CD81: variants seen among roughly 807,000 people sequenced by gnomAD.
CD81 encodes CD81 molecule, also known as CD81 antigen.
A neutral mutation model predicts 30.1 loss-of-function variants in CD81; 10 were observed. The ratio of observed to expected loss-of-function variants is 0.33; its 90% CI spans 0.21 to 0.56. CD81 has a LOEUF of 0.56. Among genes scored for constraint, CD81 ranks in the 20% least tolerant of loss-of-function variants. The pLI, the probability that CD81 is intolerant of heterozygous loss-of-function variation, is 0.89. For missense variants in CD81, 263 were observed against 308.7 expected, an observed-to-expected ratio of 0.85 and a Z score of 1.11; for synonymous variants, 147 against 126.4, an observed-to-expected ratio of 1.16 and a Z score of -1.10.
chr11:2,385,554 C>CCG, intron 1 of CD81: 1 of 255,542 alleles, frequency 3.9e-6, no homozygotes, highest in South Asian at 3.8e-5. Flanking sequence ...TGTGGCATGC[C>CCG]TGTCTGTGCA....
chr11:2,386,013 C>T (rs376292534), intron 1 of CD81: 2 of 714,146 alleles, frequency 2.8e-6, no homozygotes, highest in Non-Finnish European at 2.6e-6. Context: ...GGTGGCTGGA[C>T]CGTTTTACAG....
chr11:2,390,350 G>A, intron 1 of CD81, 62 bp from the exon 2 acceptor site: 2 of 1,297,178 alleles, frequency 1.5e-6, no homozygotes, highest in East Asian at 4.6e-5. Flanking sequence ...TGCGTGTGGG[G>A]TGGGCGCACT....
chr11:2,387,788 G>A (rs950721992), intron 1 of CD81, among the ~76,000 whole-genome samples: 8 of 152,192 alleles, frequency 5.3e-5, no homozygotes, highest in Admixed American at 2.6e-4. Flanking sequence ...CCTTCCACTC[G>A]GCACAGAAGA....
At chr11:2,396,415 G>A in intron 6 of CD81, 1 of 621,598 alleles carries the variant, frequency 1.6e-6, no homozygotes, top group South Asian at 1.8e-5. Flanking sequence ...TGTGTCCCAG[G>A]CATTTCGCGT....
rs778262013 is a variant in CD81, at chr11:2,395,404, C to A, written c.355-12C>A. The A allele has an allele frequency of 8.7e-6, 14 of 1,604,016 alleles. No homozygotes were observed. In the South Asian group the frequency reaches 1.5e-4, roughly 18 times the overall value. On this transcript the variant is annotated splice_polypyrimidine_tract_variant and intron_variant, in intron 4 of 7. Coordinates refer to ENST00000263645, the MANE Select transcript of CD81 (RefSeq NM_004356.4). ...GGTTCCCCCTGTGCATGTGACCGCA[C>A]CCCTCCCCCAGATCGCCAAGGATGT...
At position 2,395,461 on chromosome 11, in the gene CD81, G is replaced by T; in HGVS notation, c.400G>T (p.Ala134Ser). The T allele has an allele frequency of 6.2e-7, 1 of 1,612,826 alleles. No homozygotes were observed. Among genetic ancestry groups the T allele is most frequent in the Non-Finnish European group, 8.5e-7 (1 of 1,179,928 alleles). Residue 134 changes from alanine to serine, a missense_variant, in exon 5 of 8, where the codon GCC (alanine) becomes TCC (serine). Coordinates refer to ENST00000263645, the MANE Select transcript of CD81 (RefSeq NM_004356.4). ...GTTCTATGACCAGGCCCTACAGCAG[G>T]CCGTGGTGGATGATGACGCCAACAA... Reference protein sequence around the residue: ...KQFYDQALQQAVVDDDANNAK... With the variant: ...KQFYDQALQQSVVDDDANNAK...
At chr11:2,380,072 T>C (rs1277862677) in intron 1 of CD81, among the ~76,000 whole-genome samples, 2 of 152,166 alleles carry the variant, frequency 1.3e-5, no homozygotes, top group Non-Finnish European at 2.9e-5. Flanking sequence ...TTTGCTGACA[T>C]GCCTGAGTGT....
At chr11:2,391,308 C>T (rs115874437) in intron 2 of CD81, 1,931 of 153,684 alleles carry the variant, frequency 0.013, 47 homozygotes, top group African/African-American at 0.044. Context: ...TGTGTGTCCC[C>T]AGTCCTCAGG....
intron 2 of CD81, chr11:2,392,506 T>C (rs899165787): frequency 2.0e-5 from 3 of 152,232 alleles, no homozygotes; most frequent in African/African-American, 7.2e-5. Context: ...TCCTTGGCTG[T>C]GGTTTCCCTG....
intron 1 of CD81, chr11:2,386,694 G>C: frequency 1.4e-6 from 1 of 703,356 alleles, no homozygotes. Context: ...TTCCACCCAG[G>C]GTGGCTCCCG....
Position 2,396,973 on chromosome 11 carries a change from C to G in CD81, c.*107C>G. The G allele has an allele frequency of 1.9e-6, 2 of 1,044,304 alleles. No individual in the cohort carries two copies. The highest frequency in any genetic ancestry group is 2.0e-4 in the Middle Eastern group (1 of 4,912). The allele number at this position is 1,044,304 out of a possible 1,614,324, so 64.7% of individuals were successfully genotyped here. The stretch of plus-strand genomic sequence containing the variant: ...TGTATATAACGTTTCCGGTATTACT[C>G]TGCTACACGTAGCCTTTTTACTTTT... On this transcript the variant is annotated 3_prime_UTR_variant, in exon 8 of 8. Transcript: ENST00000263645.
Position 2,377,557 on chromosome 11 carries a change from T to A in CD81, c.8T>A (p.Val3Glu), listed in dbSNP as rs1233137135. Residue 3 changes from valine to glutamate, a missense_variant, in exon 1 of 8, where the codon GTG (valine) becomes GAG (glutamate). This residue lies in a region of CD81 where 84 missense variants were observed against 98.2 expected (regional missense o/e 0.86). Transcript: ENST00000263645. The surrounding 1 kb of genome is among the most constrained non-coding windows in gnomAD (Gnocchi z 7.7). ...CCCGCCGCCCGCGCCGCCATGGGAG[T>A]GGAGGGCTGCACCAAGTGCATCAAG... is the stretch of plus-strand genomic sequence containing the variant. MGVEGCTKCIKYL... is the reference protein window; with the variant it reads MGEEGCTKCIKYL... 1 of 1,472,422 alleles carries A rather than the reference T, an allele frequency of 6.8e-7. No individual in the cohort carries two copies. The highest frequency in any genetic ancestry group is 2.1e-5 in the Admixed American group (1 of 47,730). 91.2% of individuals were successfully genotyped at this position (1,472,422 alleles called of 1,614,324 possible).
intron 1 of CD81, among the ~76,000 whole-genome samples, chr11:2,381,823 C>T (rs192804964): frequency 6.6e-6 from 1 of 152,354 alleles, no homozygotes; most frequent in Non-Finnish European, 1.5e-5. Flanking sequence ...GCAAGAAGAA[C>T]CAGGCTCTCC....
chr11:2,394,833 G>C, intron 3 of CD81, 139 bp from the exon 4 acceptor site: 1 of 790,246 alleles, frequency 1.3e-6, no homozygotes, highest in Non-Finnish European at 2.2e-6. Flanking sequence ...CACACAAGCC[G>C]CTCACTCCTG....
chr11:2,390,931 G>C (rs1849887223), intron 2 of CD81: 2 of 321,178 alleles, frequency 6.2e-6, no homozygotes, highest in Admixed American at 4.2e-5. Flanking sequence ...AGTGAGGGGT[G>C]GAGACGGGGC....
upstream of CD81, among the ~76,000 whole-genome samples, chr11:2,377,128 C>T (rs573502705): frequency 3.3e-5 from 5 of 152,294 alleles, no homozygotes; most frequent in South Asian, 8.3e-4. The surrounding 1 kb of genome is among the most constrained non-coding windows in gnomAD (Gnocchi z 7.7). Context: ...TGCACCTGGG[C>T]CCTGAGGTCC....
In CD81 at chr11:2,397,033, C is replaced by T. The variant is rs1268288819; in HGVS notation, c.*167C>T. 2.9e-6 allele frequency: 2 copies of T among 695,386 alleles called. No homozygotes were observed. Among genetic ancestry groups the T allele is most frequent in the Non-Finnish European group, 5.0e-6 (2 of 397,232 alleles). The allele number at this position is 695,386 out of a possible 1,614,324, so 43.1% of individuals were successfully genotyped here. On this transcript the variant is annotated 3_prime_UTR_variant, in exon 8 of 8. Coordinates refer to ENST00000263645, the MANE Select transcript of CD81 (RefSeq NM_004356.4). ...TTTTTGTTCTGAACTTTCCTGTTAC[C>T]TTTTCAGGGCTGACGTCACATGTAG... is the stretch of plus-strand genomic sequence containing the variant.
At position 2,377,901 on chromosome 11, in the gene CD81, G is replaced by C. The variant is rs1849626729; in HGVS notation, c.66+286G>C. ...CCGCCGGGCAGTTCCCGCTGTGGTG[G>C]TGATGGGTGCGGTGGTCGCGGGTCG... is the stretch of plus-strand genomic sequence containing the variant. On this transcript the variant is annotated intron_variant, in intron 1 of 7. Transcript: ENST00000263645. The surrounding 1 kb of genome is among the most constrained non-coding windows in gnomAD (Gnocchi z 7.7). 2 of 199,304 alleles carry C rather than the reference G, an allele frequency of 1.0e-5. No individual in the cohort carries two copies. Among genetic ancestry groups the C allele is most frequent in the Non-Finnish European group, 2.0e-5 (2 of 97,958 alleles). 12.3% of individuals were successfully genotyped at this position (199,304 alleles called of 1,614,324 possible). A position where few individuals can be genotyped will look rare whatever the true frequency, so the allele number is the denominator to read the frequency against.
upstream of CD81, chr11:2,377,254 T>A (rs890040531): frequency 6.6e-6 from 1 of 150,778 alleles, no homozygotes; most frequent in Non-Finnish European, 1.5e-5. The surrounding 1 kb of genome is among the most constrained non-coding windows in gnomAD (Gnocchi z 7.7). Flanking sequence ...GGGCGGGGCC[T>A]ATGGAGGGGC....
Sources: allele counts gnomAD v4.1 joint callset (sites outside exome capture counted in the v4.1 genomes callset), GRCh38; gene constraint gnomAD v4.1.1; regional missense constraint gnomAD v4.1.1; non-coding constraint Gnocchi (gnomAD v3.1); transcripts MANE v1.5; gene names NCBI Gene and HGNC (gene_info 2026-07-23, HGNC 2026-07-21).